KDM6A: variants seen among roughly 807,000 people sequenced by gnomAD.
KDM6A encodes the protein lysine demethylase 6A.
A neutral mutation model predicts 117.6 loss-of-function variants in KDM6A; 11 were observed. The observed-to-expected ratio is 0.09, with a 90% confidence interval of 0.06 to 0.15. The LOEUF (loss-of-function observed/expected upper bound fraction) is 0.15, where lower values mean the gene tolerates loss of function less well. Among genes scored for constraint, KDM6A ranks in the 10% least tolerant of loss-of-function variants. The pLI is 1.00. For synonymous variants in KDM6A, 384 were observed against 396.1 expected, an observed-to-expected ratio of 0.97 and a Z score of 0.36; for missense variants, 799 against 1,077.3, an observed-to-expected ratio of 0.74 and a Z score of 3.62.
At chrX:45,083,809 T>C (rs1459605280) in intron 24 of KDM6A, among the ~76,000 whole-genome samples, 1 of 111,464 alleles carries the variant, frequency 9.0e-6, no homozygotes, top group Admixed American at 9.6e-5. Flanking sequence ...AGAAACATTA[T>C]AACAATTTAA....
chrX:45,059,350 ACT>A lies in KDM6A; in HGVS notation c.1083_1084del (p.Tyr362Ter). ...TGCTGCAGCCTGGATGGACCTAGGC[ACT>A]CTCTATGAATCCTGCAACCAGCCTC... ...GHAAAWMDLG[T>X]LYESCNQPQD... On this transcript the variant is annotated frameshift_variant, in exon 12 of 30. Coordinates refer to ENST00000611820, the MANE Select transcript of KDM6A (RefSeq NM_001291415.2). LOFTEE classifies it high-confidence loss of function. 1 of 1,210,203 alleles carries A rather than the reference ACT, an allele frequency of 8.3e-7. No individual in the cohort carries two copies. The highest frequency in any genetic ancestry group is 1.1e-6 in the Non-Finnish European group (1 of 894,548).
chrX:44,930,763 G>A (rs1335982912), intron 2 of KDM6A, among the ~76,000 whole-genome samples: 1 of 111,803 alleles, frequency 8.9e-6, no homozygotes, highest in Non-Finnish European at 1.9e-5. Context: ...TTCATCTTTT[G>A]AAGCAATCTG....
chrX:45,030,178 G>A (rs769781768), intron 6 of KDM6A, among the ~76,000 whole-genome samples: 1 of 109,755 alleles, frequency 9.1e-6, no homozygotes, highest in East Asian at 2.9e-4. Flanking sequence ...AAATTGATTT[G>A]GAGGTACCTG....
chrX:44,945,848 A>C (rs921087944), intron 2 of KDM6A, among the ~76,000 whole-genome samples: 2 of 111,498 alleles, frequency 1.8e-5, no homozygotes, highest in Admixed American at 9.5e-5. Flanking sequence ...GAGATACTTA[A>C]ATTTGCCCAA....
chrX:45,085,830 C>G (rs1024973307), intron 24 of KDM6A, 35 bp from the exon 25 acceptor site: 2 of 842,886 alleles, frequency 2.4e-6, no homozygotes, highest in African/African-American at 4.0e-5. Context: ...AATTGCACCA[C>G]TGGAGCTCCA....
chrX:45,065,451 T>G (rs915531061), intron 17 of KDM6A, among the ~76,000 whole-genome samples: 2 of 112,035 alleles, frequency 1.8e-5, no homozygotes, highest in Non-Finnish European at 3.8e-5. Flanking sequence ...ACTTTGTTTT[T>G]GACTAGGTCC....
At chrX:44,945,412 T>C (rs1051204356) in intron 2 of KDM6A, among the ~76,000 whole-genome samples, 1 of 110,979 alleles carries the variant, frequency 9.0e-6, no homozygotes, top group Non-Finnish European at 1.9e-5. Context: ...TGGTCCCTTT[T>C]ACTGCACCTT....
At chrX:45,079,009 A>G in intron 20 of KDM6A, 137 bp from the exon 21 acceptor site, 1 of 520,855 alleles carries the variant, frequency 1.9e-6, no homozygotes, top group Non-Finnish European at 3.2e-6. Flanking sequence ...CAGGTTGTGC[A>G]GAGGCCCTAG....
At chrX:45,065,478 G>A (rs376167229) in intron 17 of KDM6A, among the ~76,000 whole-genome samples, 1 of 111,956 alleles carries the variant, frequency 8.9e-6, no homozygotes, top group African/African-American at 3.2e-5. Flanking sequence ...GTACTCTGTG[G>A]ATAGACTGAA....
chrX:45,058,909 T>A lies in KDM6A; in HGVS notation c.876-97T>A, dbSNP rs181028642. 1,895 of 699,367 alleles carry A rather than the reference T, an allele frequency of 2.7e-3. 5 individuals are homozygous for A. Among genetic ancestry groups the A allele is most frequent in the Non-Finnish European group, 3.4e-3 (1,523 of 447,757 alleles). The allele number at this position is 699,367 out of a possible 1,213,427, so 57.6% of individuals were successfully genotyped here. A position where few individuals can be genotyped will look rare whatever the true frequency, so the allele number is the denominator to read the frequency against. On this transcript the variant is annotated intron_variant, in intron 10 of 29. Coordinates refer to ENST00000611820, the MANE Select transcript of KDM6A (RefSeq NM_001291415.2). ...TTAACTTATTAGGGTTTTAAAAAAA[T>A]TTGCTGTGATATATAGTCCATCCTT... is the stretch of plus-strand genomic sequence containing the variant.
intron 14 of KDM6A, 30 bp from the exon 15 acceptor site, chrX:45,061,294 T>A: frequency 2.2e-6 from 2 of 915,778 alleles, no homozygotes; most frequent in Non-Finnish European, 3.1e-6. Flanking sequence ...AAATATTCTT[T>A]AATTTTTTTT....
At chrX:44,970,428 GT>G (rs1213146534) in intron 3 of KDM6A, among the ~76,000 whole-genome samples, 2 of 110,541 alleles carry the variant, frequency 1.8e-5, no homozygotes, top group African/African-American at 6.6e-5. Flanking sequence ...TTCTTTGGGG[GT>G]TTTTTTGTAA....
intron 2 of KDM6A, among the ~76,000 whole-genome samples, chrX:44,935,542 C>A (rs925468511): frequency 2.7e-5 from 3 of 110,818 alleles, no homozygotes; most frequent in African/African-American, 9.9e-5. Context: ...TTAATTCTTA[C>A]AATAATCCTT....
chrX:44,988,188 A>G (rs1166959652), intron 4 of KDM6A, among the ~76,000 whole-genome samples: 1 of 111,596 alleles, frequency 9.0e-6, no homozygotes, highest in African/African-American at 3.3e-5. Context: ...CCTTTCTTCC[A>G]GTTGATCAAA....
chrX:44,984,875 G>A (rs776569579), intron 4 of KDM6A, among the ~76,000 whole-genome samples: 46 of 111,610 alleles, frequency 4.1e-4, no homozygotes, highest in African/African-American at 1.5e-3. Context: ...TTTTGGCTTA[G>A]GATTGACTTG....
At chrX:45,076,969 G>A in intron 19 of KDM6A, 143 bp downstream of exon 19, 3 of 516,859 alleles carry the variant, frequency 5.8e-6, no homozygotes, top group Admixed American at 3.4e-5. Context: ...CGGGGGGGAA[G>A]ATATATTCAA....
Position 44,921,919 on chromosome X carries a change from T to C in KDM6A, c.226-39365T>C, listed in dbSNP as rs764774614. Among the ~76,000 whole-genome samples the C allele has an allele frequency of 7.6e-4, 82 of 108,179 alleles. 1 individual carries two copies. Among genetic ancestry groups the C allele is most frequent in the African/African-American group, 2.6e-3 (78 of 29,907 alleles). 93.9% of individuals were successfully genotyped at this position (108,179 alleles called of 115,157 possible). ...CCATTTTATATTCCTACTAACAATG[T>C]ATGAGTGACCCAGTTTCCTTGTATA... On this transcript the variant is annotated intron_variant, in intron 2 of 29. Transcript: ENST00000611820.
At chrX:45,005,856 A>G (rs1210999859) in intron 4 of KDM6A, among the ~76,000 whole-genome samples, 1 of 106,031 alleles carries the variant, frequency 9.4e-6, no homozygotes, top group East Asian at 3.1e-4. Flanking sequence ...CACCTTTTCT[A>G]CTACTGGAGG....
intron 2 of KDM6A, among the ~76,000 whole-genome samples, chrX:44,896,236 G>A (rs748149264): frequency 9.1e-6 from 1 of 109,838 alleles, no homozygotes; most frequent in Admixed American, 9.8e-5. Context: ...ACCACGCCCA[G>A]CTAATTTTTT....
Sources: allele counts gnomAD v4.1 joint callset (sites outside exome capture counted in the v4.1 genomes callset), GRCh38; gene constraint gnomAD v4.1.1; transcripts MANE v1.5; gene names NCBI Gene and HGNC (gene_info 2026-07-23, HGNC 2026-07-21).